Variants in SGCE observed in about 807,000 individuals in gnomAD.
SGCE encodes sarcoglycan epsilon, also known as epsilon-sarcoglycan.
A neutral mutation model predicts 57.8 loss-of-function variants in SGCE; 26 were observed. The ratio of observed to expected loss-of-function variants is 0.45; its 90% CI spans 0.33 to 0.62. SGCE has a LOEUF of 0.62. SGCE is among the 20% of genes least tolerant of loss of function. The pLI, the probability that SGCE is intolerant of heterozygous loss-of-function variation, is 0.02. For synonymous variants in SGCE, 183 were observed against 189.5 expected, an observed-to-expected ratio of 0.97 and a Z score of 0.28; for missense variants, 468 against 548.6, an observed-to-expected ratio of 0.85 and a Z score of 1.47.
chr7:94,649,213 T>C (rs1807545597), intron 1 of SGCE, among the ~76,000 whole-genome samples: 1 of 152,228 alleles, frequency 6.6e-6, no homozygotes, highest in Non-Finnish European at 1.5e-5. Context: ...TAAACTGCTA[T>C]TGCATAAACA....
intron 1 of SGCE, among the ~76,000 whole-genome samples, chr7:94,642,808 A>G (rs1375270022): frequency 6.6e-6 from 1 of 152,224 alleles, no homozygotes; most frequent in Non-Finnish European, 1.5e-5. Context: ...GTATTTGTGG[A>G]TATGACAAGC....
chr7:94,651,916 A>G lies in SGCE; in HGVS notation c.109+4074T>C, dbSNP rs61296102. Among the ~76,000 whole-genome samples the G allele has an allele frequency of 1.9e-4, 29 of 151,034 alleles. 1 individual carries two copies. In the East Asian group the frequency reaches 5.7e-3, roughly 30 times the overall value. The stretch of plus-strand genomic sequence containing the variant: ...AAAAGACTTATTGATACCTAGAAAC[A>G]TTGGCTTTTTCTTCTTTATTATTTT... On this transcript the variant is annotated intron_variant, in intron 1 of 10. Coordinates refer to ENST00000648936, the MANE Select transcript of SGCE (RefSeq NM_003919.3).
intron 9 of SGCE, chr7:94,590,001 T>C (rs1797454886): frequency 6.6e-6 from 1 of 152,216 alleles, no homozygotes; most frequent in Admixed American, 6.5e-5. Flanking sequence ...TTATGTCATT[T>C]AAATAACACA....
chr7:94,643,310 A>G (rs567009218), intron 1 of SGCE, among the ~76,000 whole-genome samples: 46 of 152,302 alleles, frequency 3.0e-4, no homozygotes, highest in African/African-American at 1.1e-3. Flanking sequence ...ATCATTGCTC[A>G]TACTTTCCAG....
intron 1 of SGCE, among the ~76,000 whole-genome samples, chr7:94,651,257 C>G (rs1483261254): frequency 6.6e-6 from 1 of 152,192 alleles, no homozygotes; most frequent in Non-Finnish European, 1.5e-5. Context: ...CACTTAAAAA[C>G]CATGTTAACT....
chr7:94,640,090 A>G (rs914579074), intron 1 of SGCE, among the ~76,000 whole-genome samples: 3 of 152,188 alleles, frequency 2.0e-5, no homozygotes, highest in Non-Finnish European at 2.9e-5. Context: ...AGGAGAATCA[A>G]AGACGCCTTT....
At chr7:94,593,499 A>G (rs1016418883) in intron 9 of SGCE, among the ~76,000 whole-genome samples, 2 of 151,996 alleles carry the variant, frequency 1.3e-5, no homozygotes, top group Non-Finnish European at 2.9e-5. Context: ...ATTTAATATA[A>G]TAATAAATTA....
intron 5 of SGCE, chr7:94,617,058 G>A (rs1352236269): frequency 6.6e-6 from 1 of 152,146 alleles, no homozygotes; most frequent in Admixed American, 6.5e-5. Flanking sequence ...GTTAGTGATT[G>A]AATTCTCAAA....
intron 8 of SGCE, chr7:94,599,199 A>G (rs899663833): frequency 3.9e-5 from 18 of 461,448 alleles, no homozygotes; most frequent in Non-Finnish European, 6.1e-5. Context: ...AAACTAAGCT[A>G]TGAAGCATTG....
intron 1 of SGCE, among the ~76,000 whole-genome samples, chr7:94,649,585 C>G (rs1807601333): frequency 6.6e-6 from 1 of 152,180 alleles, no homozygotes; most frequent in Non-Finnish European, 1.5e-5. Context: ...CCCAAGAACG[C>G]CCGTGGCATC....
chr7:94,588,675 T>C lies in SGCE; in HGVS notation c.1297+14A>G. ...TTCATTCATAAACATTAATTTATTATTCTTAGCACTCACCTGTAGTCTGCT... is the reference window on the plus strand; with the variant it reads ...TTCATTCATAAACATTAATTTATTACTCTTAGCACTCACCTGTAGTCTGCT... On this transcript the variant is annotated intron_variant, in intron 10 of 10. Coordinates refer to ENST00000648936, the MANE Select transcript of SGCE (RefSeq NM_003919.3). 1 of 1,580,894 alleles carries C rather than the reference T, an allele frequency of 6.3e-7. No individual in the cohort carries two copies. Among genetic ancestry groups the C allele is most frequent in the South Asian group, 1.1e-5 (1 of 90,404 alleles).
rs13307770 is a variant in SGCE at position 94,586,087 on chromosome 7, A to C, written c.1298-572T>G. ...AAAAAAAAAAAAAAAAAAAAAAAAA[A>C]CAACAACTTCAAGATATACTTTCCC... On this transcript the variant is annotated intron_variant, in intron 10 of 10. Transcript: ENST00000648936. Among the ~76,000 whole-genome samples the C allele has an allele frequency of 4.1e-5, 6 of 145,486 alleles. No individual in the cohort carries two copies. In the East Asian group the frequency reaches 6.1e-4, roughly 15 times the overall value.
intron 10 of SGCE, chr7:94,588,192 G>C: frequency 9.3e-7 from 1 of 1,071,778 alleles, no homozygotes; most frequent in Non-Finnish European, 1.1e-6. Context: ...AGAATTGTCC[G>C]CCATCTTGTT....
Position 94,587,902 on chromosome 7 carries a change from C to T in SGCE, c.1297+787G>A. ...GAATGTGCCTGAAGTTTTTAAGAGACTTACTTAATAGTTTCCCTACCACAA... is the reference window on the plus strand; with the variant it reads ...GAATGTGCCTGAAGTTTTTAAGAGATTTACTTAATAGTTTCCCTACCACAA... On this transcript the variant is annotated intron_variant, in intron 10 of 10. Coordinates refer to ENST00000648936, the MANE Select transcript of SGCE (RefSeq NM_003919.3). 8.1e-6 allele frequency: 12 copies of T among 1,487,984 alleles called. No individual in the cohort carries two copies. In the South Asian group the frequency reaches 1.7e-4, roughly 21 times the overall value. 92.2% of individuals were successfully genotyped at this position (1,487,984 alleles called of 1,614,324 possible). A position where few individuals can be genotyped will look rare whatever the true frequency, so the allele number is the denominator to read the frequency against.
intron 5 of SGCE, among the ~76,000 whole-genome samples, chr7:94,614,639 G>C (rs1801607152): frequency 6.6e-6 from 1 of 152,078 alleles, no homozygotes; most frequent in South Asian, 2.1e-4. Flanking sequence ...TTTCAACTCA[G>C]TCAGCCTTCA....
intron 10 of SGCE, among the ~76,000 whole-genome samples, chr7:94,586,061 GAAAAAAAA>G (rs780812386): frequency 1.7e-4 from 5 of 28,904 alleles, no homozygotes; most frequent in Admixed American, 1.6e-3. Flanking sequence ...GGAACTAAAT[GAAAAAAAA>G]AAAAAAAAAA....
At chr7:94,641,189 G>T (rs578168631) in intron 1 of SGCE, among the ~76,000 whole-genome samples, 1 of 152,288 alleles carries the variant, frequency 6.6e-6, no homozygotes, top group Admixed American at 6.5e-5. Context: ...CTGCAAAAAG[G>T]TCAAAGAGGA....
chr7:94,644,529 A>T, intron 1 of SGCE: 1 of 528,632 alleles, frequency 1.9e-6, no homozygotes, highest in Non-Finnish European at 3.1e-6. Context: ...ATAATAAATA[A>T]TAACTTATTC....
chr7:94,622,146 T>C (rs1000121860), intron 4 of SGCE: 3 of 152,218 alleles, frequency 2.0e-5, no homozygotes, highest in East Asian at 3.8e-4. Flanking sequence ...AATTAGTAGG[T>C]TCTGATAAAA....
Sources: allele counts gnomAD v4.1 joint callset (sites outside exome capture counted in the v4.1 genomes callset), GRCh38; gene constraint gnomAD v4.1.1; transcripts MANE v1.5; gene names NCBI Gene and HGNC (gene_info 2026-07-23, HGNC 2026-07-21).